PEF1: variants seen among roughly 807,000 people sequenced by gnomAD.
PEF1 encodes peflin.
In PEF1, 17 loss-of-function variants were observed where a neutral mutation model predicts 32.0. That is an observed-to-expected ratio of 0.53 (90% CI 0.36 to 0.80). The LOEUF (loss-of-function observed/expected upper bound fraction) is 0.80. PEF1 is among the 30% of genes least tolerant of loss of function. The probability of loss-of-function intolerance (pLI) is 0.00; values close to 1 mark genes in which losing one functional copy is unlikely to be tolerated. For missense variants in PEF1, 362 were observed against 369.1 expected (o/e 0.98, Z 0.16); for synonymous variants, 130 against 139.8 (o/e 0.93, Z 0.50).
intron 1 of PEF1, among the ~76,000 whole-genome samples, chr1:31,643,750 G>A (rs1169509305): frequency 6.6e-6 from 1 of 152,250 alleles, no homozygotes; most frequent in Non-Finnish European, 1.5e-5. Flanking sequence ...TGAGCACTGT[G>A]TAATATACCA....
chr1:31,643,885 G>A (rs1640473465), intron 1 of PEF1, among the ~76,000 whole-genome samples: 1 of 152,088 alleles, frequency 6.6e-6, no homozygotes, highest in African/African-American at 2.4e-5. Context: ...GGACCCTCCG[G>A]GCACTGGCCT....
chr1:31,643,152 T>C (rs1171907385), intron 1 of PEF1, among the ~76,000 whole-genome samples: 2 of 152,238 alleles, frequency 1.3e-5, no homozygotes, highest in African/African-American at 2.4e-5. Context: ...TCAGAAATAC[T>C]AGAGTCAAAA....
intron 1 of PEF1, among the ~76,000 whole-genome samples, chr1:31,641,393 G>C (rs1189929205): frequency 6.6e-6 from 1 of 152,056 alleles, no homozygotes; most frequent in African/African-American, 2.4e-5. Flanking sequence ...CCCACAGTAA[G>C]CACTCCAAAG....
intron 1 of PEF1, among the ~76,000 whole-genome samples, chr1:31,642,101 C>T (rs900559398): frequency 3.3e-5 from 5 of 152,182 alleles, no homozygotes; most frequent in Non-Finnish European, 7.3e-5. Context: ...GGTGTGGTGG[C>T]GTGCGCCTGT....
intron 1 of PEF1, 122 bp from the exon 2 acceptor site, chr1:31,635,644 G>T: frequency 1.9e-6 from 2 of 1,043,920 alleles, no homozygotes; most frequent in Non-Finnish European, 2.6e-6. Flanking sequence ...GGTAGGGTTG[G>T]AATTATGATC....
intron 1 of PEF1, chr1:31,644,555 TG>T: frequency 7.2e-7 from 1 of 1,398,066 alleles, no homozygotes. Context: ...TGGGAGGCTG[TG>T]GAGCCCAGGC....
intron 1 of PEF1, among the ~76,000 whole-genome samples, chr1:31,636,453 G>A (rs1640256843): frequency 6.6e-6 from 1 of 151,982 alleles, no homozygotes; most frequent in Non-Finnish European, 1.5e-5. Context: ...CTCCAGCCTG[G>A]GTGACAGAGT....
Position 31,630,548 on chromosome 1 carries a change from A to T in PEF1, c.*65T>A. On this transcript the variant is annotated 3_prime_UTR_variant, in exon 5 of 5. Transcript: ENST00000373703. ...ACAGGAAAAGAAGAGATGTCCACATACTTCTCTCACTCTAAGAAGCCAGGA... is the reference window on the plus strand; with the variant it reads ...ACAGGAAAAGAAGAGATGTCCACATTCTTCTCTCACTCTAAGAAGCCAGGA... 6.9e-7 allele frequency: 1 copy of T among 1,441,782 alleles called. No homozygotes were observed. The highest frequency in any genetic ancestry group is 1.4e-5 in the African/African-American group (1 of 71,748). The allele number at this position is 1,441,782 out of a possible 1,614,324, so 89.3% of individuals were successfully genotyped here. A position where few individuals can be genotyped will look rare whatever the true frequency, so the allele number is the denominator to read the frequency against.
chr1:31,641,428 T>G (rs1343856498), intron 1 of PEF1, among the ~76,000 whole-genome samples: 6 of 152,184 alleles, frequency 3.9e-5, no homozygotes, highest in Non-Finnish European at 8.8e-5. Context: ...AACACTTCAC[T>G]GGCTCCCTCA....
At position 31,632,566 on chromosome 1, in the gene PEF1, T is replaced by A. The variant is rs1351537862; in HGVS notation, c.554A>T (p.Gln185Leu). 1 of 1,614,214 alleles carries A rather than the reference T, an allele frequency of 6.2e-7. No homozygotes were observed. The highest frequency in any genetic ancestry group is 1.1e-5 in the South Asian group (1 of 91,090). The change falls in exon 4 of 5, where the codon CAG (glutamine) becomes CTG (leucine). Residue 185 changes from glutamine (Q) to leucine (L), a missense_variant. Gln to Leu is a moderately radical substitution (Grantham distance 113). Coordinates refer to ENST00000373703, the MANE Select transcript of PEF1 (RefSeq NM_012392.4). ...ATACTGCTGGAAGAGGTTCTTCCAC[T>A]GCTGGATGAATTTCCACAGGGCTGA... ...GFSALWKFIQ[Q>L]WKNLFQQYDR... is the part of the protein sequence containing the mutation.
Position 31,632,530 on chromosome 1 carries a change from C to G in PEF1, c.590G>C (p.Arg197Pro). The change falls in exon 4 of 5, where the codon CGC becomes CCC. Residue 197 changes from arginine to proline, a missense_variant. Transcript: ENST00000373703. ...CTCTGTGTAGCTAATGGAGCCCGAG[C>G]GGTCCCGGTCATACTGCTGGAAGAG... ...KNLFQQYDRD[R>P]SGSISYTELQ... 1 of 1,614,212 alleles carries G rather than the reference C, an allele frequency of 6.2e-7. No homozygotes were observed. Among genetic ancestry groups the G allele is most frequent in the Non-Finnish European group, 8.5e-7 (1 of 1,180,034 alleles).
chr1:31,631,657 T>C (rs1290468799), intron 4 of PEF1, among the ~76,000 whole-genome samples: 1 of 152,238 alleles, frequency 6.6e-6, no homozygotes, highest in Non-Finnish European at 1.5e-5. Context: ...GAAGAATGAA[T>C]TACATAAGCC....
At chr1:31,642,707 A>G (rs867180531) in intron 1 of PEF1, among the ~76,000 whole-genome samples, 1 of 152,192 alleles carries the variant, frequency 6.6e-6, no homozygotes, top group South Asian at 2.1e-4. Context: ...CACTCCAGGA[A>G]TAGCCCAGGC....
At chr1:31,643,314 T>C (rs1352870415) in intron 1 of PEF1, among the ~76,000 whole-genome samples, 1 of 137,234 alleles carries the variant, frequency 7.3e-6, no homozygotes, top group Admixed American at 7.5e-5. Flanking sequence ...TCAATAAACT[T>C]ATTCAGCTAT....
At chr1:31,634,486 C>G (rs529959404) in intron 2 of PEF1, among the ~76,000 whole-genome samples, 1 of 152,236 alleles carries the variant, frequency 6.6e-6, no homozygotes, top group East Asian at 1.9e-4. Context: ...CAGCAAAGAG[C>G]CTGGAATGTG....
intron 2 of PEF1, 104 bp from the exon 3 acceptor site, chr1:31,633,418 C>A: frequency 1.6e-6 from 2 of 1,245,756 alleles, no homozygotes; most frequent in Non-Finnish European, 2.2e-6. Flanking sequence ...TTCACAAATT[C>A]ACCTTCCCTG....
In PEF1 at chr1:31,644,725, T is replaced by C. The variant is rs1216337599; in HGVS notation, c.24+116A>G. The stretch of plus-strand genomic sequence containing the variant: ...GGTTCTCTACAGCGCAAGGCCTCGC[T>C]GAAGCGAACCCATCGTGGGAAGGGC... On this transcript the variant is annotated intron_variant, in intron 1 of 4. Coordinates refer to ENST00000373703, the MANE Select transcript of PEF1 (RefSeq NM_012392.4). The C allele has an allele frequency of 1.9e-6, 3 of 1,582,096 alleles. No individual in the cohort carries two copies. In the African/African-American group the frequency reaches 4.0e-5, roughly 21 times the overall value.
chr1:31,640,857 C>T (rs1640374466), intron 1 of PEF1, among the ~76,000 whole-genome samples: 1 of 152,088 alleles, frequency 6.6e-6, no homozygotes, highest in Non-Finnish European at 1.5e-5. Flanking sequence ...AAGCTGAGCC[C>T]TGATGACGAA....
At chr1:31,641,304 T>C (rs1366490629) in intron 1 of PEF1, among the ~76,000 whole-genome samples, 5 of 152,186 alleles carry the variant, frequency 3.3e-5, no homozygotes, top group Non-Finnish European at 7.3e-5. Context: ...CAGTTCTCTT[T>C]AGCCTAGATT....
Sources: gnomAD v4.1 joint callset for allele counts (sites outside exome capture counted in the v4.1 genomes callset) on GRCh38, gnomAD v4.1.1 for gene constraint, MANE v1.5 for transcripts, NCBI Gene and HGNC (gene_info 2026-07-23, HGNC 2026-07-21) for gene names.